KIF9: variants seen among roughly 807,000 people sequenced by gnomAD.
The protein encoded by KIF9 is kinesin-like protein KIF9.
In KIF9, 68 loss-of-function variants were observed where a neutral mutation model predicts 94.8. That is an observed-to-expected ratio of 0.72 (90% CI 0.59 to 0.88). The LOEUF (loss-of-function observed/expected upper bound fraction) is 0.88. KIF9 is among the 40% of genes least tolerant of loss of function. The pLI is 0.00. For synonymous variants in KIF9, 343 were observed against 362.1 expected (o/e 0.95, Z 0.60); for missense variants, 882 against 982.5 (o/e 0.90, Z 1.37).
At chr3:47,273,099 A>C (rs1408563216) in intron 4 of KIF9, among the ~76,000 whole-genome samples, 3 of 152,272 alleles carry the variant, frequency 2.0e-5, no homozygotes, top group Non-Finnish European at 2.9e-5. Context: ...CTGAAAGCTC[A>C]AGTCATGCCC....
chr3:47,273,518 T>C (rs780779597), intron 4 of KIF9, 34 bp downstream of exon 4: 9 of 1,499,012 alleles, frequency 6.0e-6, no homozygotes, highest in African/African-American at 4.1e-5. Flanking sequence ...AGAGGGAACC[T>C]GTGTGGCATC....
At chr3:47,232,226 C>T (rs904913566) in intron 20 of KIF9, among the ~76,000 whole-genome samples, 1 of 152,184 alleles carries the variant, frequency 6.6e-6, no homozygotes, top group African/African-American at 2.4e-5. Flanking sequence ...TCTGCTGATG[C>T]CTTGATGTTA....
At chr3:47,237,481 A>G (rs929993842) in intron 17 of KIF9, among the ~76,000 whole-genome samples, 2 of 152,174 alleles carry the variant, frequency 1.3e-5, no homozygotes, top group African/African-American at 4.8e-5. Flanking sequence ...GGTCAGTGCT[A>G]TTAGTCTCTT....
At chr3:47,262,680 G>A (rs1701056938) in intron 9 of KIF9, among the ~76,000 whole-genome samples, 1 of 152,166 alleles carries the variant, frequency 6.6e-6, no homozygotes, top group Non-Finnish European at 1.5e-5. Context: ...CCAAGTCCCA[G>A]GGTGCTGGAT....
chr3:47,251,458 G>A (rs1700266169), intron 10 of KIF9, among the ~76,000 whole-genome samples: 1 of 152,180 alleles, frequency 6.6e-6, no homozygotes, highest in South Asian at 2.1e-4. Flanking sequence ...CAGCTACTCA[G>A]CAGGCTGAGG....
At chr3:47,261,721 G>C (rs565455227) in intron 9 of KIF9, among the ~76,000 whole-genome samples, 2 of 152,192 alleles carry the variant, frequency 1.3e-5, no homozygotes, top group African/African-American at 4.8e-5. Context: ...AAGGTGAAGG[G>C]AGAGCTGCCT....
At chr3:47,254,788 G>T (rs1341799620) in intron 10 of KIF9, among the ~76,000 whole-genome samples, 1 of 151,742 alleles carries the variant, frequency 6.6e-6, no homozygotes, top group Non-Finnish European at 1.5e-5. Flanking sequence ...AGGGCCTAAA[G>T]AACTTATTAG....
chr3:47,234,092 C>T (rs996510233), intron 20 of KIF9, among the ~76,000 whole-genome samples: 1 of 150,400 alleles, frequency 6.6e-6, no homozygotes, highest in Non-Finnish European at 1.5e-5. Context: ...CCACCCCCCC[C>T]AAAAAAAAGA....
At chr3:47,274,657 G>C (rs567186806) in intron 3 of KIF9, among the ~76,000 whole-genome samples, 1 of 152,348 alleles carries the variant, frequency 6.6e-6, no homozygotes, top group African/African-American at 2.4e-5. Flanking sequence ...CACAGCACCA[G>C]TGCTCAAGAC....
intron 5 of KIF9, among the ~76,000 whole-genome samples, chr3:47,267,623 C>A (rs1467260840): frequency 2.6e-5 from 4 of 152,184 alleles, no homozygotes; most frequent in African/African-American, 9.7e-5. Flanking sequence ...CAGGAAAATG[C>A]TGACACATAG....
chr3:47,280,910 A>G, intron 1 of KIF9: 1 of 702,992 alleles, frequency 1.4e-6, no homozygotes, highest in South Asian at 1.5e-5. Context: ...GCAGCCCTTT[A>G]ACACCCAAAC....
intron 20 of KIF9, among the ~76,000 whole-genome samples, chr3:47,234,371 C>G (rs1294832608): frequency 6.6e-6 from 1 of 151,064 alleles, no homozygotes; most frequent in Non-Finnish European, 1.5e-5. Flanking sequence ...GTGGCTGGGA[C>G]TACAGGAGCA....
chr3:47,234,768 C>T (rs1698893112), intron 20 of KIF9, among the ~76,000 whole-genome samples: 1 of 150,842 alleles, frequency 6.6e-6, no homozygotes, highest in African/African-American at 2.5e-5. Context: ...GTTGCCCAGG[C>T]TGGTCTTGAA....
intron 5 of KIF9, 35 bp downstream of exon 5, chr3:47,271,202 A>G: frequency 7.0e-7 from 1 of 1,433,128 alleles, no homozygotes; most frequent in Non-Finnish European, 9.8e-7. Context: ...AGGGAGGGAG[A>G]GAAGGAAAGG....
chr3:47,250,471 G>T, intron 10 of KIF9: 1 of 342,620 alleles, frequency 2.9e-6, no homozygotes, highest in Non-Finnish European at 6.3e-6. Context: ...TTGGCACATA[G>T]TAAGCACTCC....
intron 1 of KIF9, chr3:47,282,212 T>C (rs1702420768): frequency 5.1e-6 from 5 of 985,016 alleles, no homozygotes; most frequent in Non-Finnish European, 6.0e-6. Context: ...TACGGAAGAG[T>C]CCAGACGACC....
intron 7 of KIF9, 124 bp downstream of exon 7, chr3:47,266,852 A>G (rs1701316911): frequency 5.2e-6 from 4 of 766,924 alleles, no homozygotes; most frequent in Non-Finnish European, 9.0e-6. Context: ...CACATGTCCC[A>G]CTTCGCCTAG....
intron 10 of KIF9, among the ~76,000 whole-genome samples, chr3:47,253,614 T>G (rs1171990266): frequency 6.6e-6 from 1 of 152,158 alleles, no homozygotes; most frequent in East Asian, 1.9e-4. Context: ...TGCACACACA[T>G]ATATCCATCA....
At chr3:47,261,040 C>T (rs553225453) in intron 9 of KIF9, among the ~76,000 whole-genome samples, 3 of 152,026 alleles carry the variant, frequency 2.0e-5, no homozygotes, top group Non-Finnish European at 4.4e-5. Context: ...TCAGGTAAGG[C>T]CAGCAAGTGG....
Sources: allele counts gnomAD v4.1 joint callset (sites outside exome capture counted in the v4.1 genomes callset), GRCh38; gene constraint gnomAD v4.1.1; transcripts MANE v1.5; gene names NCBI Gene and HGNC (gene_info 2026-07-23, HGNC 2026-07-21).